MIA2: variants seen among roughly 807,000 people sequenced by gnomAD.
MIA2 encodes melanoma inhibitory activity protein 2.
Under a neutral mutation model 167.8 loss-of-function variants are expected in MIA2, and 127 were observed. That is an observed-to-expected ratio of 0.76 (90% CI 0.66 to 0.88). The LOEUF (loss-of-function observed/expected upper bound fraction) is 0.88. Ranked by LOEUF, MIA2 falls within the 40% of genes least tolerant of loss-of-function variation. The pLI, the probability that MIA2 is intolerant of heterozygous loss-of-function variation, is 0.00. For synonymous variants in MIA2, 552 were observed against 541.9 expected, an observed-to-expected ratio of 1.02 and a Z score of -0.26; for missense variants, 1,690 against 1,624.7, an observed-to-expected ratio of 1.04 and a Z score of -0.69.
intron 28 of MIA2, among the ~76,000 whole-genome samples, chr14:39,349,577 T>C (rs2074098314): frequency 6.6e-6 from 1 of 152,218 alleles, no homozygotes; most frequent in African/African-American, 2.4e-5. Context: ...GCTTTGCCTA[T>C]GAATGTCTCA....
intron 19 of MIA2, 103 bp downstream of exon 19, chr14:39,313,544 A>G (rs2064749037): frequency 6.2e-6 from 4 of 644,158 alleles, no homozygotes; most frequent in Non-Finnish European, 1.0e-5. Flanking sequence ...AAAACATTTT[A>G]AAATCTGACA....
intron 6 of MIA2, among the ~76,000 whole-genome samples, chr14:39,260,437 TTGCATTTCTC>T (rs1323604643): frequency 6.6e-6 from 1 of 152,210 alleles, no homozygotes; most frequent in Non-Finnish European, 1.5e-5. Flanking sequence ...TGGTTTTGAT[TTGCATTTCTC>T]TGATGGCCAG....
intron 13 of MIA2, among the ~76,000 whole-genome samples, chr14:39,296,140 CTCTTG>C (rs1245537472): frequency 6.6e-6 from 1 of 152,016 alleles, no homozygotes; most frequent in Non-Finnish European, 1.5e-5. Context: ...CTAAAGGTTC[CTCTTG>C]TCTTTCTCCT....
At chr14:39,318,753 A>G (rs1392082905) in intron 22 of MIA2, among the ~76,000 whole-genome samples, 4 of 152,162 alleles carry the variant, frequency 2.6e-5, no homozygotes, top group Non-Finnish European at 5.9e-5. Context: ...TGTAACTGGA[A>G]TCATGAGTGT....
At position 39,314,791 on chromosome 14, in the gene MIA2, C is replaced by G. The variant is rs536600046; in HGVS notation, c.3172C>G (p.Gln1058Glu). 1.3e-6 allele frequency: 2 copies of G among 1,526,438 alleles called. No individual in the cohort carries two copies. Among genetic ancestry groups the G allele is most frequent in the African/African-American group, 1.5e-5 (1 of 67,442 alleles). 94.6% of individuals were successfully genotyped at this position (1,526,438 alleles called of 1,614,324 possible). ...ATTGGAGAGAACTATTCATTCTTAT[C>G]AAGGGCAGGTATATATATATGTGTG... is the stretch of plus-strand genomic sequence containing the variant. ...EELERTIHSY[Q>E]GQIISHEKKA... The change falls in exon 20 of 29, where the codon CAA (glutamine) becomes GAA (glutamate). Residue 1058 changes from glutamine to glutamate, a missense_variant. Coordinates refer to ENST00000640607, the MANE Select transcript of MIA2 (RefSeq NM_001329214.4).
chr14:39,295,378 A>G (rs1353869792), intron 13 of MIA2, among the ~76,000 whole-genome samples: 4 of 152,146 alleles, frequency 2.6e-5, no homozygotes, highest in Non-Finnish European at 5.9e-5. Context: ...CTGGTGGCAG[A>G]TCACATAAGG....
chr14:39,386,347 A>G, intron 23 of MIA2: 1 of 1,534,112 alleles, frequency 6.5e-7, no homozygotes, highest in Non-Finnish European at 9.0e-7. Flanking sequence ...CACAAGACTC[A>G]GACTCCGAGG....
At chr14:39,353,142 G>A (rs375259978), downstream of MIA2, among the ~76,000 whole-genome samples, 1 of 152,042 alleles carries the variant, frequency 6.6e-6, no homozygotes, top group East Asian at 1.9e-4. Flanking sequence ...TCAAGTCAGG[G>A]TATTTGGGGG....
At chr14:39,380,475 A>G (rs2075132577) in intron 23 of MIA2, among the ~76,000 whole-genome samples, 1 of 152,114 alleles carries the variant, frequency 6.6e-6, no homozygotes, top group African/African-American at 2.4e-5. Context: ...AGGGCAGATC[A>G]CGAGGTCAAG....
At chr14:39,248,681 A>G (rs2054418032) in intron 4 of MIA2, among the ~76,000 whole-genome samples, 1 of 152,184 alleles carries the variant, frequency 6.6e-6, no homozygotes, top group South Asian at 2.1e-4. Context: ...TTTTTAGCCC[A>G]ATAACACCTT....
At chr14:39,317,582 A>G (rs1358071898) in intron 21 of MIA2, among the ~76,000 whole-genome samples, 1 of 152,120 alleles carries the variant, frequency 6.6e-6, no homozygotes, top group African/African-American at 2.4e-5. Flanking sequence ...TAAAGTCTCA[A>G]CTACACAAAA....
At chr14:39,348,676 T>G in intron 27 of MIA2, 67 bp from the exon 28 acceptor site, 1 of 1,585,788 alleles carries the variant, frequency 6.3e-7, no homozygotes, top group Non-Finnish European at 8.7e-7. Context: ...CTTCTAAGCC[T>G]GAGATTTTCG....
chr14:39,386,814 A>G, intron 23 of MIA2: 3 of 979,898 alleles, frequency 3.1e-6, no homozygotes, highest in Non-Finnish European at 3.3e-6. Context: ...ACCATTACTG[A>G]TGACCATAGA....
Position 39,326,965 on chromosome 14 carries a change from A to G in MIA2, c.3598A>G (p.Thr1200Ala), listed in dbSNP as rs749892773. ...LTDPHRAPSD[T>A]GSLSPPWDQD... ...CGATCCTCATAGGGCTCCCTCTGACACTGGGTCTCTGTCACCTCCATGGGA... is the reference window on the plus strand; with the variant it reads ...CGATCCTCATAGGGCTCCCTCTGACGCTGGGTCTCTGTCACCTCCATGGGA... The change falls in exon 25 of 29, where the codon ACT becomes GCT. Residue 1200 changes from threonine (T) to alanine (A), a missense_variant. Physicochemically the swap from Thr to Ala is moderately conservative, Grantham distance 58. Coordinates refer to ENST00000640607, the MANE Select transcript of MIA2 (RefSeq NM_001329214.4). 51 of 1,584,022 alleles carry G rather than the reference A, an allele frequency of 3.2e-5. No homozygotes were observed. The highest frequency in any genetic ancestry group is 4.2e-5 in the Non-Finnish European group (49 of 1,167,686).
chr14:39,269,204 C>A (rs182741790), intron 6 of MIA2, among the ~76,000 whole-genome samples: 176 of 149,988 alleles, frequency 1.2e-3, no homozygotes, highest in African/African-American at 4.1e-3. Flanking sequence ...GATATATTCA[C>A]ACAACATAAA....
intron 1 of MIA2, 70 bp downstream of exon 1, chr14:39,234,299 G>A: frequency 1.1e-6 from 1 of 933,168 alleles, no homozygotes. Context: ...TCTTATTGTG[G>A]TCACGCATGA....
At chr14:39,300,251 T>C (rs1037424014) in intron 14 of MIA2, among the ~76,000 whole-genome samples, 1 of 152,160 alleles carries the variant, frequency 6.6e-6, no homozygotes, top group African/African-American at 2.4e-5. Flanking sequence ...ATAAAAATAA[T>C]GGTTTCTACC....
rs1370591604 is a variant in MIA2, at chr14:39,341,919, ACT to A, written c.3656-3982_3656-3981del. Among the ~76,000 whole-genome samples the A allele has an allele frequency of 2.6e-5, 4 of 152,274 alleles. No homozygotes were observed. In the East Asian group the frequency reaches 5.8e-4, roughly 22 times the overall value. On this transcript the variant is annotated intron_variant, in intron 25 of 28. Transcript: ENST00000640607. The stretch of plus-strand genomic sequence containing the variant: ...AATGCCTTTTATTAATCATTCTAAC[ACT>A]CTTAAGAGTGTTATTCTGTTATTCC...
At chr14:39,380,112 G>C (rs12878547) in intron 23 of MIA2, among the ~76,000 whole-genome samples, 1 of 152,168 alleles carries the variant, frequency 6.6e-6, no homozygotes, top group Admixed American at 6.5e-5. Flanking sequence ...CAAGAGCATA[G>C]AATGTTATAT....
Sources: allele counts gnomAD v4.1 joint callset (sites outside exome capture counted in the v4.1 genomes callset), GRCh38; gene constraint gnomAD v4.1.1; transcripts MANE v1.5; gene names NCBI Gene and HGNC (gene_info 2026-07-23, HGNC 2026-07-21).